The following XIRP2 variants were observed in gnomAD, a reference collection of about 807,000 sequenced individuals.
XIRP2 encodes the protein xin actin binding repeat containing 2, also known as xin actin-binding repeat-containing protein 2.
A neutral mutation model predicts 277.0 loss-of-function variants in XIRP2; 236 were observed. That is an observed-to-expected ratio of 0.85 (90% CI 0.77 to 0.95). The LOEUF (loss-of-function observed/expected upper bound fraction) is 0.95, where lower values mean the gene tolerates loss of function less well. Ranked by LOEUF, XIRP2 falls within the 40% of genes least tolerant of loss-of-function variation. The pLI, the probability that XIRP2 is intolerant of heterozygous loss-of-function variation, is 0.00. For missense variants in XIRP2, 4,640 were observed against 4,157.5 expected, an observed-to-expected ratio of 1.12 and a Z score of -3.19; for synonymous variants, 1,490 against 1,416.5, an observed-to-expected ratio of 1.05 and a Z score of -1.17.
intron 2 of XIRP2, among the ~76,000 whole-genome samples, chr2:166,913,476 G>A (rs1684775754): frequency 6.6e-6 from 1 of 152,128 alleles, no homozygotes; most frequent in African/African-American, 2.4e-5. Flanking sequence ...CATCTTCTGT[G>A]TCGCTCACGC....
At chr2:167,187,569 C>G (rs1693194702) in intron 3 of XIRP2, 1 of 983,762 alleles carries the variant, frequency 1.0e-6, no homozygotes, top group Non-Finnish European at 1.2e-6. Context: ...TGTCTGCTTC[C>G]TGGATTGTAA....
chr2:167,093,067 T>C (rs1391788089), intron 2 of XIRP2, among the ~76,000 whole-genome samples: 1 of 152,142 alleles, frequency 6.6e-6, no homozygotes, highest in African/African-American at 2.4e-5. Flanking sequence ...CTGTCTACTA[T>C]GCCAAGTTTA....
intron 3 of XIRP2, among the ~76,000 whole-genome samples, chr2:167,149,643 T>A (rs1263443517): frequency 6.6e-6 from 1 of 151,802 alleles, no homozygotes; most frequent in African/African-American, 2.4e-5. Flanking sequence ...AAGCTACATA[T>A]AAAAATCCCC....
At chr2:167,120,374 A>G (rs1691021735) in intron 2 of XIRP2, among the ~76,000 whole-genome samples, 1 of 152,116 alleles carries the variant, frequency 6.6e-6, no homozygotes, top group Non-Finnish European at 1.5e-5. Flanking sequence ...AGAGCAAATA[A>G]CTGTATTATA....
intron 2 of XIRP2, among the ~76,000 whole-genome samples, chr2:166,912,444 G>A (rs1255524522): frequency 6.6e-6 from 1 of 152,210 alleles, no homozygotes; most frequent in African/African-American, 2.4e-5. Flanking sequence ...CTCGTGCCAT[G>A]TTTTTCAGCT....
At chr2:167,036,917 G>A (rs761677964) in intron 2 of XIRP2, among the ~76,000 whole-genome samples, 5 of 152,068 alleles carry the variant, frequency 3.3e-5, no homozygotes, top group Non-Finnish European at 5.9e-5. Context: ...TTCCACTTTT[G>A]CTTCTTCTTC....
chr2:166,998,325 G>A (rs1687279330), intron 2 of XIRP2, among the ~76,000 whole-genome samples: 1 of 152,180 alleles, frequency 6.6e-6, no homozygotes, highest in Admixed American at 6.5e-5. Flanking sequence ...ACTCCAAGAT[G>A]TTAAGTTCCT....
intron 2 of XIRP2, among the ~76,000 whole-genome samples, chr2:167,078,098 T>A (rs934638236): frequency 6.6e-6 from 1 of 152,246 alleles, no homozygotes; most frequent in Admixed American, 6.5e-5. Flanking sequence ...TGTTGATTCT[T>A]CCAATCCATG....
intron 2 of XIRP2, among the ~76,000 whole-genome samples, chr2:167,112,631 G>A (rs1690791807): frequency 6.8e-6 from 1 of 147,840 alleles, no homozygotes; most frequent in Non-Finnish European, 1.5e-5. Flanking sequence ...ATATTTTTAT[G>A]TATATATATA....
At chr2:167,036,613 TGGA>T (rs1688513494) in intron 2 of XIRP2, among the ~76,000 whole-genome samples, 1 of 152,170 alleles carries the variant, frequency 6.6e-6, no homozygotes, top group South Asian at 2.1e-4. Flanking sequence ...GATAAAACTT[TGGA>T]CTGAAGACTT....
rs148538645 is a variant in XIRP2 at position 166,982,823 on chromosome 2, T to C, written c.408+78933T>C. Among the ~76,000 whole-genome samples the C allele has an allele frequency of 1.9e-3, 286 of 152,368 alleles. 2 individuals carry two copies. Among genetic ancestry groups the C allele is most frequent in the African/African-American group, 6.5e-3 (271 of 41,592 alleles). Reference sequence around the variant, plus strand: ...ACATCTGTATCATCTCCATTTCTACTGACTATCCTATAATTCTTGAAGCCA... The same window carrying C: ...ACATCTGTATCATCTCCATTTCTACCGACTATCCTATAATTCTTGAAGCCA... On this transcript the variant is annotated intron_variant, in intron 2 of 10. Transcript: ENST00000409195.
At chr2:167,163,662 A>G (rs1201766053) in intron 3 of XIRP2, among the ~76,000 whole-genome samples, 1 of 152,174 alleles carries the variant, frequency 6.6e-6, no homozygotes. Flanking sequence ...GTTAATTTTT[A>G]TCAAATCTAA....
chr2:167,050,100 C>T (rs1033193729), intron 2 of XIRP2, among the ~76,000 whole-genome samples: 1 of 152,010 alleles, frequency 6.6e-6, no homozygotes, highest in Non-Finnish European at 1.5e-5. Flanking sequence ...CCATGTGGAA[C>T]AGTATACTAT....
chr2:166,939,679 C>CAAAAAAAAAAAAAAAAA (rs138977006), intron 2 of XIRP2, among the ~76,000 whole-genome samples: 6 of 90,664 alleles, frequency 6.6e-5, no homozygotes, highest in East Asian at 2.9e-4. Flanking sequence ...GACTCCATCA[C>CAAAAAAAAAAAAAAAAA]AAAAAAAAAA....
intron 2 of XIRP2, among the ~76,000 whole-genome samples, chr2:167,113,818 T>C (rs1690824651): frequency 6.6e-6 from 1 of 152,198 alleles, no homozygotes. Context: ...CAGGACCTCT[T>C]ATTAGGCAGT....
chr2:167,187,180 C>A, intron 3 of XIRP2: 1 of 921,516 alleles, frequency 1.1e-6, no homozygotes, highest in Non-Finnish European at 1.3e-6. Context: ...GTTTGATTGA[C>A]TGCACATGTG....
intron 2 of XIRP2, among the ~76,000 whole-genome samples, chr2:166,963,725 G>A (rs778428364): frequency 2.6e-5 from 4 of 151,818 alleles, no homozygotes; most frequent in African/African-American, 4.8e-5. Flanking sequence ...GCAGAGCAAA[G>A]AAGAGCACTC....
rs1279909214 is a variant in XIRP2 at position 166,888,502 on chromosome 2, G to T, written c.-74G>T. ...AGGATTATTTGGAGAAATCTGGCAG[G>T]TCTCTAGGCAGACAAAAGGGAACAT... On this transcript the variant is annotated 5_prime_UTR_variant, in exon 1 of 11. Coordinates refer to ENST00000409195, the MANE Select transcript of XIRP2 (RefSeq NM_152381.6). The T allele has an allele frequency of 6.6e-6, 1 of 152,116 alleles. No homozygotes were observed. The highest frequency in any genetic ancestry group is 1.5e-5 in the Non-Finnish European group (1 of 68,020). The allele number at this position is 152,116 out of a possible 1,614,324, so 9.4% of individuals were successfully genotyped here. A position where few individuals can be genotyped will look rare whatever the true frequency, so the allele number is the denominator to read the frequency against.
intron 3 of XIRP2, among the ~76,000 whole-genome samples, chr2:167,202,030 T>C (rs1693734241): frequency 6.6e-6 from 1 of 152,154 alleles, no homozygotes; most frequent in African/African-American, 2.4e-5. Context: ...AATGGGATAA[T>C]ACATGTAAAA....
Sources: allele counts gnomAD v4.1 joint callset (sites outside exome capture counted in the v4.1 genomes callset), GRCh38; gene constraint gnomAD v4.1.1; transcripts MANE v1.5; gene names NCBI Gene and HGNC (gene_info 2026-07-23, HGNC 2026-07-21).